Variants in SLX4IP observed in about 807,000 individuals in gnomAD.
SLX4IP encodes the protein protein SLX4IP.
In SLX4IP, 34 loss-of-function variants were observed where a neutral mutation model predicts 32.9. That is an observed-to-expected ratio of 1.03 (90% CI 0.79 to 1.38). The LOEUF (loss-of-function observed/expected upper bound fraction) is 1.38. Among genes scored for constraint, SLX4IP ranks in the 40% most tolerant of loss-of-function variants. The pLI is 0.00. For synonymous variants in SLX4IP, 172 were observed against 171.7 expected (o/e 1.00, Z -0.01); for missense variants, 444 against 479.0 (o/e 0.93, Z 0.68).
At chr20:10,522,757 G>A (rs1272801660) in intron 2 of SLX4IP, among the ~76,000 whole-genome samples, 1 of 152,168 alleles carries the variant, frequency 6.6e-6, no homozygotes, top group Non-Finnish European at 1.5e-5. Flanking sequence ...CCCCGCCATT[G>A]AATCTGTTCA....
At chr20:10,556,936 C>G (rs1379838302) in intron 3 of SLX4IP, among the ~76,000 whole-genome samples, 2 of 152,182 alleles carry the variant, frequency 1.3e-5, no homozygotes, top group African/African-American at 4.8e-5. Flanking sequence ...AAATTCACTC[C>G]TGGTTCTAAG....
intron 4 of SLX4IP, among the ~76,000 whole-genome samples, chr20:10,576,609 G>A (rs908193127): frequency 2.6e-5 from 4 of 152,184 alleles, no homozygotes; most frequent in Admixed American, 6.5e-5. Flanking sequence ...ATGATCTCAC[G>A]CATAAAAAAT....
At chr20:10,593,798 G>A (rs952059592) in intron 4 of SLX4IP, among the ~76,000 whole-genome samples, 2 of 152,134 alleles carry the variant, frequency 1.3e-5, no homozygotes, top group Non-Finnish European at 2.9e-5. Context: ...CTCTTTAAAA[G>A]TTCAGAGTTC....
At chr20:10,474,103 G>A (rs536478376) in intron 2 of SLX4IP, among the ~76,000 whole-genome samples, 106 of 152,062 alleles carry the variant, frequency 7.0e-4, no homozygotes, top group Admixed American at 2.0e-3. Context: ...GATTACAGGC[G>A]TGAGCCACGG....
chr20:10,535,916 T>G (rs988111316), intron 2 of SLX4IP, among the ~76,000 whole-genome samples: 1 of 152,230 alleles, frequency 6.6e-6, no homozygotes, highest in Non-Finnish European at 1.5e-5. Flanking sequence ...TTTTGGAGAA[T>G]GCTTTGTTTT....
intron 2 of SLX4IP, among the ~76,000 whole-genome samples, chr20:10,514,148 C>T (rs1403264822): frequency 6.6e-6 from 1 of 152,104 alleles, no homozygotes; most frequent in Non-Finnish European, 1.5e-5. Flanking sequence ...AGAAGGGTGC[C>T]TCTAGGTTTG....
chr20:10,465,946 C>T (rs913345398), intron 2 of SLX4IP, among the ~76,000 whole-genome samples: 2 of 152,184 alleles, frequency 1.3e-5, no homozygotes, highest in Admixed American at 6.5e-5. Flanking sequence ...CCTCCTGGTA[C>T]CTTATCAGAA....
chr20:10,494,795 T>C (rs527401185), intron 2 of SLX4IP, among the ~76,000 whole-genome samples: 1 of 152,276 alleles, frequency 6.6e-6, no homozygotes, highest in East Asian at 1.9e-4. Flanking sequence ...TATTTTAGGC[T>C]GAATTGATTT....
chr20:10,534,561 G>A (rs890331928), intron 2 of SLX4IP, among the ~76,000 whole-genome samples: 5 of 152,200 alleles, frequency 3.3e-5, no homozygotes, highest in African/African-American at 1.2e-4. Context: ...CCTAGGGGAA[G>A]GTGGGGTAGA....
chr20:10,569,877 A>C (rs1486155290), intron 4 of SLX4IP, among the ~76,000 whole-genome samples: 1 of 152,150 alleles, frequency 6.6e-6, no homozygotes, highest in Non-Finnish European at 1.5e-5. Context: ...TGATGACCTC[A>C]TTTTAATTTA....
At chr20:10,476,349 A>G (rs1326945315) in intron 2 of SLX4IP, among the ~76,000 whole-genome samples, 3 of 152,184 alleles carry the variant, frequency 2.0e-5, no homozygotes, top group African/African-American at 7.2e-5. Flanking sequence ...ATGCATTGCA[A>G]AGTGTCCCAT....
chr20:10,518,373 CTCTT>C (rs964764396), intron 2 of SLX4IP, among the ~76,000 whole-genome samples: 1 of 99,102 alleles, frequency 1.0e-5, no homozygotes, highest in Non-Finnish European at 2.6e-5. Flanking sequence ...CTTTCTCTCT[CTCTT>C]TCTTTCCTTC....
At chr20:10,509,988 T>G (rs1199448827) in intron 2 of SLX4IP, among the ~76,000 whole-genome samples, 2 of 152,164 alleles carry the variant, frequency 1.3e-5, no homozygotes, top group Non-Finnish European at 1.5e-5. Context: ...ATGAATAAAT[T>G]TTGACACAGC....
chr20:10,623,040 C>T lies in SLX4IP; in HGVS notation c.888C>T (p.Arg296=). The part of the protein sequence containing the change: ...SPRVAKTQQK[R]RNCSSAEDFD... ...GAGTGGCCAAAACCCAACAGAAACG[C>T]AGGAACTGCAGCTCTGCGGAAGACT... Residue 296 remains arginine (R), a synonymous_variant, in exon 8 of 8, where the codon CGC becomes CGT. Transcript: ENST00000334534. 4 of 1,614,128 alleles carry T rather than the reference C, an allele frequency of 2.5e-6. No homozygotes were observed. Among genetic ancestry groups the T allele is most frequent in the Non-Finnish European group, 3.4e-6 (4 of 1,180,000 alleles).
At chr20:10,548,922 A>C (rs2066191254) in intron 2 of SLX4IP, among the ~76,000 whole-genome samples, 1 of 152,154 alleles carries the variant, frequency 6.6e-6, no homozygotes, top group Admixed American at 6.5e-5. Flanking sequence ...ATTCCAACAG[A>C]ATGACTCTTT....
intron 2 of SLX4IP, among the ~76,000 whole-genome samples, chr20:10,518,486 T>C (rs1424960027): frequency 5.9e-5 from 3 of 51,230 alleles, no homozygotes; most frequent in African/African-American, 1.7e-4. Flanking sequence ...TCCTTTCCTT[T>C]CCTTTTCCTT....
At position 10,435,377 on chromosome 20, in the gene SLX4IP, C is replaced by G. The variant is rs2065100114; in HGVS notation, c.-106C>G. On this transcript the variant is annotated 5_prime_UTR_variant, in exon 1 of 8. Coordinates refer to ENST00000334534, the MANE Select transcript of SLX4IP (RefSeq NM_001009608.3). The stretch of plus-strand genomic sequence containing the variant: ...CCTGTGTAGTCCGAGTTTCCACAGC[C>G]AGGTACTACTCCGCCAGTGACCCTG... 6.6e-6 allele frequency: 1 copy of G among 152,180 alleles called. No individual in the cohort carries two copies. The highest frequency in any genetic ancestry group is 2.1e-4 in the South Asian group (1 of 4,834). 9.4% of individuals were successfully genotyped at this position (152,180 alleles called of 1,614,324 possible).
chr20:10,554,290 G>T (rs182199925), intron 2 of SLX4IP, among the ~76,000 whole-genome samples: 6 of 152,206 alleles, frequency 3.9e-5, no homozygotes, highest in African/African-American at 9.6e-5. Context: ...TATCGGTAGT[G>T]TGGTGAGTAG....
chr20:10,456,108 G>A (rs940518504), intron 1 of SLX4IP, among the ~76,000 whole-genome samples: 6 of 152,128 alleles, frequency 3.9e-5, no homozygotes, highest in Non-Finnish European at 8.8e-5. Context: ...ATAAAAATAT[G>A]TAAAATTCAG....
Sources: allele counts gnomAD v4.1 joint callset (sites outside exome capture counted in the v4.1 genomes callset), GRCh38; gene constraint gnomAD v4.1.1; transcripts MANE v1.5; gene names NCBI Gene and HGNC (gene_info 2026-07-23, HGNC 2026-07-21).